Variants in EML5 observed in about 807,000 individuals in gnomAD.
The protein encoded by EML5 is echinoderm microtubule-associated protein-like 5.
A neutral mutation model predicts 250.0 loss-of-function variants in EML5; 120 were observed. The ratio of observed to expected loss-of-function variants is 0.48; its 90% confidence interval spans 0.41 to 0.56. EML5 has a LOEUF of 0.56. Among genes scored for constraint, EML5 ranks in the 20% least tolerant of loss-of-function variants. The pLI is 0.00. For missense variants in EML5, 2,006 were observed against 2,437.6 expected, an observed-to-expected ratio of 0.82 and a Z score of 3.73; for synonymous variants, 771 against 806.5, an observed-to-expected ratio of 0.96 and a Z score of 0.75.
Position 88,616,707 on chromosome 14 carries a change from A to T in EML5, c.5796+19T>A. On this transcript the variant is annotated intron_variant, in intron 42 of 43. Coordinates refer to ENST00000554922, the MANE Select transcript of EML5 (RefSeq NM_183387.3). ...AAATTAGGAGTAAACTGATAATAGT[A>T]AACAAAACACAAACTTACAAATTTT... 1 of 1,605,614 alleles carries T rather than the reference A, an allele frequency of 6.2e-7. No homozygotes were observed. The highest frequency in any genetic ancestry group is 1.1e-5 in the South Asian group (1 of 89,574).
chr14:88,651,930 T>C (rs551001731), intron 27 of EML5, among the ~76,000 whole-genome samples: 27 of 152,276 alleles, frequency 1.8e-4, no homozygotes, highest in African/African-American at 6.5e-4. Flanking sequence ...AAATATACCA[T>C]AAGTTAGGGA....
At chr14:88,725,776 T>C (rs2093657327) in intron 8 of EML5, among the ~76,000 whole-genome samples, 1 of 152,142 alleles carries the variant, frequency 6.6e-6, no homozygotes. Context: ...AGTTAGTAGA[T>C]GACAGAAGCC....
At chr14:88,724,389 A>G (rs927895617) in intron 8 of EML5, among the ~76,000 whole-genome samples, 1 of 152,120 alleles carries the variant, frequency 6.6e-6, no homozygotes, top group Admixed American at 6.6e-5. Context: ...GATTAAGAAG[A>G]CCATTTTGTG....
chr14:88,705,669 G>A (rs887804602), intron 11 of EML5, 81 bp from the exon 12 acceptor site: 4 of 1,017,332 alleles, frequency 3.9e-6, no homozygotes, highest in Non-Finnish European at 4.4e-6. Flanking sequence ...ATGATTAAGA[G>A]CTATGTCAGT....
At chr14:88,763,738 A>G (rs1380170722) in intron 1 of EML5, among the ~76,000 whole-genome samples, 1 of 152,248 alleles carries the variant, frequency 6.6e-6, no homozygotes, top group African/African-American at 2.4e-5. Flanking sequence ...CCTGATGAAC[A>G]TCGATGCAAA....
At chr14:88,666,462 G>T (rs1015206582) in intron 21 of EML5, among the ~76,000 whole-genome samples, 1 of 152,118 alleles carries the variant, frequency 6.6e-6, no homozygotes, top group Non-Finnish European at 1.5e-5. Context: ...CTGACCTCAG[G>T]TGAACCACCT....
At chr14:88,642,814 A>G (rs1478479736) in intron 31 of EML5, 79 bp downstream of exon 31, 1 of 1,366,352 alleles carries the variant, frequency 7.3e-7, no homozygotes, top group African/African-American at 1.5e-5. Flanking sequence ...TTATAGCTTT[A>G]ACAAAGATTT....
chr14:88,640,748 C>T (rs2091016671), intron 31 of EML5, among the ~76,000 whole-genome samples: 1 of 151,798 alleles, frequency 6.6e-6, no homozygotes, highest in South Asian at 2.1e-4. Flanking sequence ...AACATCTATA[C>T]AAAGAATCAA....
intron 7 of EML5, among the ~76,000 whole-genome samples, chr14:88,731,483 G>C (rs1487175312): frequency 1.3e-5 from 2 of 152,082 alleles, no homozygotes; most frequent in African/African-American, 2.4e-5. Context: ...GGACATTTGG[G>C]TTGGTTCCAA....
At chr14:88,615,890 A>C in intron 43 of EML5, 36 bp from the exon 44 acceptor site, 2 of 1,592,062 alleles carry the variant, frequency 1.3e-6, no homozygotes, top group Non-Finnish European at 1.7e-6. Context: ...GGAGTTAATT[A>C]TGTTTTTAGA....
chr14:88,732,836 G>T (rs992956359), intron 7 of EML5, among the ~76,000 whole-genome samples: 2 of 152,086 alleles, frequency 1.3e-5, no homozygotes, highest in East Asian at 1.9e-4. Context: ...CTTTTGAGAC[G>T]GAGTCTGGCT....
chr14:88,738,924 G>A lies in EML5; in HGVS notation c.802C>T (p.Pro268Ser), dbSNP rs954610649. The change falls in exon 6 of 44, where the codon CCA (proline) becomes TCA (serine). Residue 268 changes from proline (P) to serine (S), a missense_variant. Coordinates refer to ENST00000554922, the MANE Select transcript of EML5 (RefSeq NM_183387.3). The stretch of plus-strand genomic sequence containing the variant: ...TCCCTGAGATCAATCACAGTAATTG[G>A]TTTAAAAGTTAAATCCCAAAGACGA... ...CIRLWDLTFK[P>S]ITVIDLRETD... is the part of the protein sequence containing the mutation. 9.4e-6 allele frequency: 15 copies of A among 1,594,278 alleles called. No homozygotes were observed. The highest frequency in any genetic ancestry group is 1.7e-4 in the Middle Eastern group (1 of 6,032).
chr14:88,730,550 G>C (rs979418993), intron 7 of EML5, among the ~76,000 whole-genome samples: 1 of 152,240 alleles, frequency 6.6e-6, no homozygotes, highest in Non-Finnish European at 1.5e-5. Context: ...AGAATATTGG[G>C]AACACTACCA....
intron 7 of EML5, among the ~76,000 whole-genome samples, chr14:88,730,006 C>A (rs2093730569): frequency 6.6e-6 from 1 of 151,930 alleles, no homozygotes; most frequent in Non-Finnish European, 1.5e-5. Flanking sequence ...TAGTACATTA[C>A]AATTTTCAGT....
At chr14:88,736,274 C>T (rs1188187968) in intron 7 of EML5, 90 bp downstream of exon 7, 43 of 1,440,772 alleles carry the variant, frequency 3.0e-5, no homozygotes, top group Middle Eastern at 3.6e-4. Flanking sequence ...GCTGGGATTA[C>T]GGGCGTGAGC....
chr14:88,738,651 A>AG (rs1220732396), intron 6 of EML5, among the ~76,000 whole-genome samples: 5 of 152,194 alleles, frequency 3.3e-5, no homozygotes, highest in Non-Finnish European at 7.4e-5. Flanking sequence ...CCATTATAAT[A>AG]GATATTAGAC....
rs770330844 is a variant in EML5, at chr14:88,614,344, A to G, written c.*1474T>C. 10 of 152,350 alleles carry G rather than the reference A, an allele frequency of 6.6e-5. No homozygotes were observed. Among genetic ancestry groups the G allele is most frequent in the Non-Finnish European group, 1.3e-4 (9 of 68,026 alleles). The allele number at this position is 152,350 out of a possible 1,614,324, so 9.4% of individuals were successfully genotyped here. ...CTTACGTTTCAAGCTTCTTAGCCCC[A>G]TAATCAGTCCTTCAGCCACAGCTAT... On this transcript the variant is annotated 3_prime_UTR_variant, in exon 44 of 44. Transcript: ENST00000554922.
Position 88,712,293 on chromosome 14 carries a change from G to C in EML5, c.1635C>G (p.Phe545Leu). 1 of 1,609,970 alleles carries C rather than the reference G, an allele frequency of 6.2e-7. No homozygotes were observed. Among genetic ancestry groups the C allele is most frequent in the East Asian group, 2.2e-5 (1 of 44,788 alleles). The change falls in exon 10 of 44, where the codon TTC (phenylalanine) becomes TTG (leucine). Residue 545 changes from phenylalanine (F) to leucine (L), a missense_variant. Around this residue, in one of 7 missense-constraint regions of EML5, gnomAD observed 1,375 missense variants for 1,590.3 expected, o/e 0.86. Transcript: ENST00000554922. Reference sequence around the variant, plus strand: ...TACCTTTTCTTAAACATGGATATCGGAATAATTTTATAATTCCATAGTCAT... The same window carrying C: ...TACCTTTTCTTAAACATGGATATCGCAATAATTTTATAATTCCATAGTCAT... ...TADDYGIIKL[F>L]RYPCLRKGAK...
At chr14:88,622,434 C>G (rs1376742462) in intron 37 of EML5, 170 bp downstream of exon 37, 2 of 479,100 alleles carry the variant, frequency 4.2e-6, no homozygotes, top group Non-Finnish European at 3.6e-6. Flanking sequence ...ATGCACCACA[C>G]TGGTGCTAAC....
Sources: gnomAD v4.1 joint callset for allele counts (sites outside exome capture counted in the v4.1 genomes callset) on GRCh38, gnomAD v4.1.1 for gene constraint, gnomAD v4.1.1 regional missense constraint, MANE v1.5 for transcripts, NCBI Gene and HGNC (gene_info 2026-07-23, HGNC 2026-07-21) for gene names.